The following FBXO34 variants were observed in gnomAD, a reference collection of about 807,000 sequenced individuals.
FBXO34 encodes F-box protein 34.
A neutral mutation model predicts 24.5 loss-of-function variants in FBXO34; 12 were observed. That is an observed-to-expected ratio of 0.49 (90% CI 0.31 to 0.79). The LOEUF is 0.79. FBXO34 is among the 30% of genes least tolerant of loss of function. The pLI is 0.04. For synonymous variants in FBXO34, 320 were observed against 311.9 expected (o/e 1.03, Z -0.27); for missense variants, 823 against 857.7 (o/e 0.96, Z 0.51).
intron 1 of FBXO34, chr14:55,318,419 G>A (rs1883012898): frequency 2.6e-5 from 1 of 38,004 alleles, no homozygotes; most frequent in African/African-American, 1.9e-4. Context: ...TATGCAGTCA[G>A]TAACTTTTTT....
downstream of FBXO34, chr14:55,369,957 T>G: frequency 6.5e-7 from 1 of 1,545,230 alleles, no homozygotes; most frequent in Non-Finnish European, 8.7e-7. Context: ...CTCTTTAGGA[T>G]AACAACCATT....
chr14:55,357,452 T>C (rs147809052), downstream of FBXO34, among the ~76,000 whole-genome samples: 251 of 152,348 alleles, frequency 1.6e-3, 1 homozygote, highest in Non-Finnish European at 2.6e-3. Context: ...CAAACTCCTT[T>C]TGGGACCCCC....
At chr14:55,427,329 A>C in the FBXO34 span, among the ~76,000 whole-genome samples, 199 of 152,304 alleles carry the variant, frequency 1.3e-3, no homozygotes, top group Non-Finnish European at 6.0e-4. Context: ...AGAAAAATAA[A>C]CATGTCAAAA....
intron 1 of FBXO34, among the ~76,000 whole-genome samples, chr14:55,314,681 A>G (rs892320576): frequency 6.6e-6 from 1 of 152,358 alleles, no homozygotes. Flanking sequence ...GAAAAATTGG[A>G]GAATACAACA....
intron 1 of FBXO34, among the ~76,000 whole-genome samples, chr14:55,283,339 A>G (rs1432524971): frequency 6.6e-6 from 1 of 152,034 alleles, no homozygotes; most frequent in Admixed American, 6.6e-5. Context: ...ATTACAACCT[A>G]TTTTATATGC....
the FBXO34 span, among the ~76,000 whole-genome samples, chr14:55,412,462 T>C: frequency 6.6e-6 from 1 of 152,310 alleles, no homozygotes; most frequent in East Asian, 1.9e-4. Flanking sequence ...TCTGAAAAGT[T>C]AATCACGTGG....
At chr14:55,304,957 A>T (rs745521245) in intron 1 of FBXO34, among the ~76,000 whole-genome samples, 1 of 152,130 alleles carries the variant, frequency 6.6e-6, no homozygotes, top group Non-Finnish European at 1.5e-5. Flanking sequence ...GTCTGTTCCT[A>T]TTCTTAGAGT....
intron 1 of FBXO34, among the ~76,000 whole-genome samples, chr14:55,332,992 T>A (rs1883650739): frequency 6.6e-6 from 1 of 152,142 alleles, no homozygotes; most frequent in Non-Finnish European, 1.5e-5. Flanking sequence ...TTTGTGAAAA[T>A]ACTTTGTCGA....
the FBXO34 span, among the ~76,000 whole-genome samples, chr14:55,383,132 G>A: frequency 6.6e-6 from 1 of 152,210 alleles, no homozygotes; most frequent in African/African-American, 2.4e-5. Flanking sequence ...GTACTTCAGT[G>A]TGCAGCACAA....
At chr14:55,369,787 G>C, downstream of FBXO34, 6 of 1,614,200 alleles carry the variant, frequency 3.7e-6, no homozygotes, top group Non-Finnish European at 5.1e-6. Flanking sequence ...GACTAGGCAA[G>C]TTCTCCCAGT....
chr14:55,295,987 T>G (rs1470739749), intron 1 of FBXO34, among the ~76,000 whole-genome samples: 1 of 152,226 alleles, frequency 6.6e-6, no homozygotes, highest in African/African-American at 2.4e-5. Flanking sequence ...AGTAATGTTA[T>G]GTTAAAGTTA....
At chr14:55,414,476 A>T in the FBXO34 span, 1 of 1,544,150 alleles carries the variant, frequency 6.5e-7, no homozygotes, top group Non-Finnish European at 8.7e-7. Context: ...ATCCAGGTTT[A>T]TATAATTTTT....
exon 3 of FBXO34, chr14:55,367,878 A>C (rs901383877): frequency 2.0e-5 from 3 of 152,422 alleles, no homozygotes; most frequent in African/African-American, 7.2e-5. Context: ...ACTATACAAA[A>C]CACCAAATAT....
the FBXO34 span, among the ~76,000 whole-genome samples, chr14:55,439,703 G>C: frequency 6.6e-6 from 1 of 150,868 alleles, no homozygotes; most frequent in African/African-American, 2.4e-5. Flanking sequence ...GGCCAAGGCG[G>C]GTGGATCACG....
At chr14:55,419,136 T>C in the FBXO34 span, among the ~76,000 whole-genome samples, 1 of 152,274 alleles carries the variant, frequency 6.6e-6, no homozygotes, top group Non-Finnish European at 1.5e-5. Context: ...ACAGGTGTTA[T>C]TGTAGACTTG....
downstream of FBXO34, among the ~76,000 whole-genome samples, chr14:55,371,240 T>C (rs535497040): frequency 1.3e-5 from 2 of 152,280 alleles, 1 homozygote; most frequent in African/African-American, 4.8e-5. Context: ...TAGCTTGCCA[T>C]TTCAGCCTAT....
At chr14:55,370,081 T>C (rs115312481), downstream of FBXO34, among the ~76,000 whole-genome samples, 512 of 152,332 alleles carry the variant, frequency 3.4e-3, 5 homozygotes, top group African/African-American at 0.012. Context: ...TGACATATGA[T>C]TGCGTTTTCC....
rs201239551 is a variant in FBXO34 at position 55,289,856 on chromosome 14, C to CT, written c.-11+18322dup. Among the ~76,000 whole-genome samples the CT allele has an allele frequency of 9.9e-4, 148 of 149,892 alleles. No individual in the cohort carries two copies. In the East Asian group the frequency reaches 0.015, roughly 16 times the overall value. ...GTCCCCAAGCCCAGTCACTGTCTAC[C>CT]TTTAAAAAAAAAAACAAGTATGGTA... On this transcript the variant is annotated intron_variant, in intron 1 of 1. Transcript: ENST00000313833.
chr14:55,325,633 G>A (rs1365953763), intron 1 of FBXO34, among the ~76,000 whole-genome samples: 1 of 152,004 alleles, frequency 6.6e-6, no homozygotes, highest in Non-Finnish European at 1.5e-5. Flanking sequence ...GTGCCACCAC[G>A]CCCGGCTAAT....
Sources: gnomAD v4.1 joint callset for allele counts (sites outside exome capture counted in the v4.1 genomes callset) on GRCh38, gnomAD v4.1.1 for gene constraint, MANE v1.5 for transcripts, NCBI Gene and HGNC (gene_info 2026-07-23, HGNC 2026-07-21) for gene names.